Variants in ZNF821 observed in about 807,000 individuals in gnomAD.
The protein encoded by ZNF821 is zinc finger protein 821.
ZNF821 carries 16 observed loss-of-function variants against 44.3 expected under a neutral mutation model. The observed-to-expected ratio is 0.36, with a 90% CI of 0.24 to 0.55. The LOEUF is 0.55. ZNF821 is among the 20% of genes least tolerant of loss of function. The probability of loss-of-function intolerance (pLI) is 0.86; values close to 1 mark genes in which losing one functional copy is unlikely to be tolerated. For missense variants in ZNF821, 436 were observed against 547.6 expected (o/e 0.80, Z 2.03); for synonymous variants, 204 against 197.6 (o/e 1.03, Z -0.27).
At position 71,864,150 on chromosome 16, in the gene ZNF821, A is replaced by G. The variant is rs755316026; in HGVS notation, c.405T>C (p.Ala135=). The G allele has an allele frequency of 1.9e-6, 3 of 1,614,130 alleles. No homozygotes were observed. The highest frequency in any genetic ancestry group is 4.5e-5 in the East Asian group (2 of 44,886). The part of the protein sequence containing the change: ...LDCGSREQLI[A]HVYQHTAAVV... ...CCCCCATCCATACCTGGTACACGTG[A>G]GCAATCAACTGCTCCCGGCTCCCGC... is the stretch of plus-strand genomic sequence containing the variant. The change falls in exon 6 of 8, where the codon GCT becomes GCC. Residue 135 remains alanine (A), a synonymous_variant. Transcript: ENST00000425432.
chr16:71,861,932 G>A lies in ZNF821; in HGVS notation c.428C>T (p.Ala143Val). Residue 143 changes from alanine (A) to valine (V), a missense_variant, in exon 7 of 8, where the codon GCA (alanine) becomes GTA (valine). Coordinates refer to ENST00000425432, the MANE Select transcript of ZNF821 (RefSeq NM_001201552.2). ...CATGTAGCTCTTGGCGCTCACCACT[G>A]CTGCAGTGTGCTGTAAAACAGAGCC... is the stretch of plus-strand genomic sequence containing the variant. The part of the protein sequence containing the change: ...LIAHVYQHTA[A>V]VVSAKSYMCP... 6.2e-7 allele frequency: 1 copy of A among 1,614,174 alleles called. No individual in the cohort carries two copies. The highest frequency in any genetic ancestry group is 8.5e-7 in the Non-Finnish European group (1 of 1,180,014).
At chr16:71,894,820 G>T in intron 1 of ZNF821, 1 of 1,533,876 alleles carries the variant, frequency 6.5e-7, no homozygotes, top group Non-Finnish European at 8.7e-7. Context: ...TCCCTTCCAG[G>T]CTTAAGCAGC....
chr16:71,859,769 T>A lies in ZNF821; in HGVS notation c.*249A>T. Reference sequence around the variant, plus strand: ...GTCCTAGAAGCACAGCCTGTGGCAGTGGGCTGGGGAGGCCAGTTCTCTGGA... The same window carrying A: ...GTCCTAGAAGCACAGCCTGTGGCAGAGGGCTGGGGAGGCCAGTTCTCTGGA... On this transcript the variant is annotated 3_prime_UTR_variant, in exon 8 of 8. Transcript: ENST00000425432. 1 of 514,214 alleles carries A rather than the reference T, an allele frequency of 1.9e-6. No homozygotes were observed. Among genetic ancestry groups the A allele is most frequent in the Non-Finnish European group, 3.4e-6 (1 of 292,968 alleles). 31.9% of individuals were successfully genotyped at this position (514,214 alleles called of 1,614,324 possible). A position where few individuals can be genotyped will look rare whatever the true frequency, so the allele number is the denominator to read the frequency against.
chr16:71,872,236 G>T (rs2035284862), intron 3 of ZNF821, among the ~76,000 whole-genome samples: 1 of 152,184 alleles, frequency 6.6e-6, no homozygotes, highest in South Asian at 2.1e-4. Context: ...AGATTTTACA[G>T]TTCTCTCTTG....
chr16:71,887,452 G>A (rs990845710), upstream of ZNF821, among the ~76,000 whole-genome samples: 19 of 151,942 alleles, frequency 1.3e-4, no homozygotes, highest in Admixed American at 3.9e-4. Flanking sequence ...TAGTAGAGAC[G>A]AGGTTTCACC....
chr16:71,891,064 G>A (rs562226798), intron 1 of ZNF821, among the ~76,000 whole-genome samples: 2 of 151,144 alleles, frequency 1.3e-5, no homozygotes, highest in East Asian at 2.0e-4. Context: ...GTGAGCCACC[G>A]CGCCCAGCCC....
At chr16:71,871,773 C>G (rs1052116076) in intron 3 of ZNF821, among the ~76,000 whole-genome samples, 1 of 151,256 alleles carries the variant, frequency 6.6e-6, no homozygotes, top group Non-Finnish European at 1.5e-5. Flanking sequence ...GGTGTTCTCT[C>G]TCCTTTTATT....
At chr16:71,866,000 C>T (rs1396644951) in intron 4 of ZNF821, among the ~76,000 whole-genome samples, 13 of 152,204 alleles carry the variant, frequency 8.5e-5, no homozygotes, top group Middle Eastern at 3.4e-3. Context: ...AAATAACGAA[C>T]GTAGTTCTTT....
At chr16:71,887,248 C>T, upstream of ZNF821, among the ~76,000 whole-genome samples, 1 of 141,246 alleles carries the variant, frequency 7.1e-6, no homozygotes, top group Admixed American at 7.6e-5. Flanking sequence ...AATGGTAACT[C>T]TATATTCAAC....
chr16:71,893,824 T>TG (rs1452855339), intron 1 of ZNF821: 1 of 151,400 alleles, frequency 6.6e-6, no homozygotes, highest in Non-Finnish European at 1.5e-5. Flanking sequence ...TAGATTGCAA[T>TG]GGGGAGATCT....
chr16:71,884,338 G>C (rs925163460), upstream of ZNF821: 7 of 152,122 alleles, frequency 4.6e-5, no homozygotes, highest in African/African-American at 1.7e-4. Flanking sequence ...GCCCAATCCC[G>C]GGCGCCCGAG....
In ZNF821 at chr16:71,864,174, G is replaced by C; in HGVS notation, c.381C>G (p.Cys127Trp). The change falls in exon 6 of 8, where the codon TGC becomes TGG. Residue 127 changes from cysteine to tryptophan, a missense_variant. By Grantham distance (215) the Cys-to-Trp change is radical. This residue lies in a region of ZNF821 where 238 missense variants were observed against 281.4 expected (regional missense o/e 0.85). Coordinates refer to ENST00000425432, the MANE Select transcript of ZNF821 (RefSeq NM_001201552.2). Reference sequence around the variant, plus strand: ...GAGCAATCAACTGCTCCCGGCTCCCGCAGTCTAGCTGGCAGAGGGGACACT... The same window carrying C: ...GAGCAATCAACTGCTCCCGGCTCCCCCAGTCTAGCTGGCAGAGGGGACACT... Reference protein sequence around the residue: ...LCQCPLCQLDCGSREQLIAHV... With the variant: ...LCQCPLCQLDWGSREQLIAHV... 6.2e-7 allele frequency: 1 copy of C among 1,614,214 alleles called. No individual in the cohort carries two copies. The highest frequency in any genetic ancestry group is 8.5e-7 in the Non-Finnish European group (1 of 1,180,026).
intron 1 of ZNF821, chr16:71,894,698 CTT>C (rs35889170): frequency 0.017 from 7,340 of 434,624 alleles, no homozygotes; most frequent in Non-Finnish European, 0.019. Context: ...TAATTTTTAA[CTT>C]TTTTTTTTTT....
chr16:71,873,049 A>G (rs2035392374), intron 3 of ZNF821, among the ~76,000 whole-genome samples: 1 of 151,976 alleles, frequency 6.6e-6, no homozygotes, highest in African/African-American at 2.4e-5. Context: ...GGGCTGGGCG[A>G]GGTGGCTCAT....
At position 71,859,895 on chromosome 16, in the gene ZNF821, C is replaced by T. The variant is rs752047424; in HGVS notation, c.*123G>A. 1.5e-5 allele frequency: 18 copies of T among 1,180,214 alleles called. No homozygotes were observed. In the Admixed American group the frequency reaches 2.8e-4, roughly 19 times the overall value. 73.1% of individuals were successfully genotyped at this position (1,180,214 alleles called of 1,614,324 possible). A position where few individuals can be genotyped will look rare whatever the true frequency, so the allele number is the denominator to read the frequency against. On this transcript the variant is annotated 3_prime_UTR_variant, in exon 8 of 8. Transcript: ENST00000425432. ...GCTGCTCAGGTCCACCTGCAATAAACCCAGGCCTGCCTCTGGCAGCAAGGA... is the reference window on the plus strand; with the variant it reads ...GCTGCTCAGGTCCACCTGCAATAAATCCAGGCCTGCCTCTGGCAGCAAGGA...
chr16:71,888,605 ACT>A (rs2036870718), upstream of ZNF821, among the ~76,000 whole-genome samples: 2 of 151,566 alleles, frequency 1.3e-5, no homozygotes, highest in South Asian at 4.2e-4. Context: ...TTATTTCTGG[ACT>A]CTCAGTTCTA....
chr16:71,867,316 C>T (rs1418195872), intron 4 of ZNF821, among the ~76,000 whole-genome samples: 1 of 152,118 alleles, frequency 6.6e-6, no homozygotes, highest in Non-Finnish European at 1.5e-5. Flanking sequence ...CTATTTATTC[C>T]TATATCCTTG....
In ZNF821 at chr16:71,874,020, G is replaced by A. The variant is rs918372544; in HGVS notation, c.40+5887C>T. Among the ~76,000 whole-genome samples the A allele has an allele frequency of 1.4e-4, 21 of 149,092 alleles. No individual in the cohort carries two copies. In the East Asian group the frequency reaches 3.6e-3, roughly 25 times the overall value. On this transcript the variant is annotated intron_variant, in intron 3 of 7. Transcript: ENST00000425432. ...GTTGCCCAGGCTGGAGTGCAATGGC[G>A]CGACCTTGGCTCACTGCAACCTCCA...
In ZNF821 at chr16:71,860,349, G is replaced by T; in HGVS notation, c.908C>A (p.Ala303Asp). The T allele has an allele frequency of 6.2e-7, 1 of 1,611,704 alleles. No homozygotes were observed. Among genetic ancestry groups the T allele is most frequent in the Non-Finnish European group, 8.5e-7 (1 of 1,180,010 alleles). The change falls in exon 8 of 8, where the codon GCC (alanine) becomes GAC (aspartate). Residue 303 changes from alanine to aspartate, a missense_variant. Around this residue, in one of 5 missense-constraint regions of ZNF821, gnomAD observed 72 missense variants for 133.3 expected, o/e 0.54. Coordinates refer to ENST00000425432, the MANE Select transcript of ZNF821 (RefSeq NM_001201552.2). The surrounding 1 kb of genome is among the most constrained non-coding windows in gnomAD (Gnocchi z 7.3). ...REVRRMRDRE[A>D]KRLQRMQETD... ...CTCCTGCATGCGCTGCAAGCGCTTG[G>T]CTTCACGGTCCCTCATGCGCCTCAC...
Sources: allele counts gnomAD v4.1 joint callset (sites outside exome capture counted in the v4.1 genomes callset), GRCh38; gene constraint gnomAD v4.1.1; regional missense constraint gnomAD v4.1.1; non-coding constraint Gnocchi (gnomAD v3.1); transcripts MANE v1.5; gene names NCBI Gene and HGNC (gene_info 2026-07-23, HGNC 2026-07-21).